Variants in SACS observed in about 807,000 individuals in gnomAD.
SACS encodes sacsin.
In SACS, 197 loss-of-function variants were observed where a neutral mutation model predicts 348.0. The ratio of observed to expected loss-of-function variants is 0.57; its 90% CI spans 0.50 to 0.64. The LOEUF (loss-of-function observed/expected upper bound fraction) is 0.64, where lower values mean the gene tolerates loss of function less well. Ranked by LOEUF, SACS falls within the 30% of genes least tolerant of loss-of-function variation. The pLI is 0.00. For synonymous variants in SACS, 1,985 were observed against 1,910.6 expected (o/e 1.04, Z -1.02); for missense variants, 4,999 against 5,360.8 (o/e 0.93, Z 2.11).
At chr13:23,359,576 A>G (rs993719049) in intron 6 of SACS, among the ~76,000 whole-genome samples, 4 of 152,218 alleles carry the variant, frequency 2.6e-5, no homozygotes, top group African/African-American at 9.6e-5. Flanking sequence ...TAATATTTAT[A>G]AAATATTTCT....
chr13:23,412,794 G>A (rs900631675), intron 1 of SACS, among the ~76,000 whole-genome samples: 3 of 152,128 alleles, frequency 2.0e-5, no homozygotes, highest in Non-Finnish European at 2.9e-5. Flanking sequence ...AAGGGTAAAT[G>A]TGTTATCAGA....
At chr13:23,382,788 TG>T (rs200293279) in intron 2 of SACS, among the ~76,000 whole-genome samples, 4,359 of 145,166 alleles carry the variant, frequency 0.03, 206 homozygotes, top group African/African-American at 0.083. Flanking sequence ...GTGTGGTTTT[TG>T]TTTTTTTTTT....
chr13:23,363,837 C>T (rs1463244133), intron 6 of SACS, among the ~76,000 whole-genome samples: 1 of 152,170 alleles, frequency 6.6e-6, no homozygotes, highest in East Asian at 1.9e-4. Flanking sequence ...ACAGCTGCCA[C>T]TGAGTGTAAC....
chr13:23,433,389 C>T (rs1012636634), intron 1 of SACS, among the ~76,000 whole-genome samples: 2 of 152,208 alleles, frequency 1.3e-5, no homozygotes, highest in Non-Finnish European at 2.9e-5. Flanking sequence ...GAGCTCATTA[C>T]TCACAGCTGT....
At chr13:23,420,788 ATCCACCTGGGGAGTGGTG>A (rs1293679473) in intron 1 of SACS, among the ~76,000 whole-genome samples, 1 of 151,954 alleles carries the variant, frequency 6.6e-6, no homozygotes, top group African/African-American at 2.4e-5. Context: ...GAGCCCAGGT[ATCCACCTGGGGAGTGGTG>A]TCCACCCAAG....
intron 1 of SACS, among the ~76,000 whole-genome samples, chr13:23,418,660 C>A (rs1211868772): frequency 6.6e-6 from 1 of 152,112 alleles, no homozygotes; most frequent in Non-Finnish European, 1.5e-5. Flanking sequence ...CACCTGCCAC[C>A]AAGCCCAGCT....
Position 23,337,986 on chromosome 13 carries a change from A to G in SACS, c.5890T>C (p.Tyr1964His). Residue 1964 changes from tyrosine to histidine, a missense_variant, in exon 10 of 10, where the codon TAT becomes CAT. Tyr to His is a moderately conservative substitution (Grantham distance 83, BLOSUM62 2). Transcript: ENST00000382292. ...CCTTTTCCATGAGCTATATCTTCAT[A>G]AAATCCTTGGCAAATTACAGAAAAA... ...DDFSVICQGF[Y>H]EDIAHGKGKE... 6.2e-7 allele frequency: 1 copy of G among 1,613,994 alleles called. No individual in the cohort carries two copies. The highest frequency in any genetic ancestry group is 8.5e-7 in the Non-Finnish European group (1 of 1,179,930).
At chr13:23,393,546 T>C (rs920637706) in intron 2 of SACS, among the ~76,000 whole-genome samples, 6 of 152,126 alleles carry the variant, frequency 3.9e-5, no homozygotes, top group African/African-American at 1.4e-4. Context: ...CCCACTGTTC[T>C]GCCTACTCTC....
rs1868623008 is a variant in SACS, at chr13:23,336,579, A to G, written c.7297T>C (p.Trp2433Arg). The G allele has an allele frequency of 1.2e-6, 2 of 1,613,668 alleles. No individual in the cohort carries two copies. The highest frequency in any genetic ancestry group is 1.7e-5 in the Admixed American group (1 of 59,962). The change falls in exon 10 of 10, where the codon TGG (tryptophan) becomes CGG (arginine). Residue 2433 changes from tryptophan to arginine, a missense_variant. Coordinates refer to ENST00000382292, the MANE Select transcript of SACS (RefSeq NM_014363.6). ...LCRRIISEGI[W>R]SLIREKKQEF... ...TGTTTCTTTTCTCTAATGAGACTCCATATTCCTTCACTGATTATTCGTCGG... is the reference window on the plus strand; with the variant it reads ...TGTTTCTTTTCTCTAATGAGACTCCGTATTCCTTCACTGATTATTCGTCGG...
chr13:23,384,718 C>T (rs1872202052), intron 2 of SACS, among the ~76,000 whole-genome samples: 1 of 151,918 alleles, frequency 6.6e-6, no homozygotes, highest in Admixed American at 6.6e-5. Context: ...CTGTGGAGGA[C>T]CAGAGAATGA....
chr13:23,340,529 C>A lies in SACS; in HGVS notation c.3347G>T (p.Gly1116Val), dbSNP rs997702481. 4 of 1,612,130 alleles carry A rather than the reference C, an allele frequency of 2.5e-6. No individual in the cohort carries two copies. Among genetic ancestry groups the A allele is most frequent in the African/African-American group, 1.3e-5 (1 of 74,758 alleles). ...AAGAACATCTTGATCAGGACAAGCACCGACCTGTAAGGCTTCAATTTTTTT... is the reference window on the plus strand; with the variant it reads ...AAGAACATCTTGATCAGGACAAGCAACGACCTGTAAGGCTTCAATTTTTTT... ...VAKKIEALQV[G>V]ACPDQDVLLK... The change falls in exon 10 of 10, where the codon GGT (glycine) becomes GTT (valine). Residue 1116 changes from glycine (G) to valine (V), a missense_variant. Transcript: ENST00000382292.
intron 9 of SACS, among the ~76,000 whole-genome samples, chr13:23,349,912 G>C (rs1174202915): frequency 6.6e-6 from 1 of 152,196 alleles, no homozygotes; most frequent in Admixed American, 6.5e-5. Context: ...CTAGGGTGGT[G>C]ACTGAAGATA....
At chr13:23,387,304 C>A (rs1450313994) in intron 2 of SACS, among the ~76,000 whole-genome samples, 2 of 151,242 alleles carry the variant, frequency 1.3e-5, no homozygotes, top group East Asian at 1.9e-4. Flanking sequence ...CTAAAAAACA[C>A]AAAAAAAATT....
At chr13:23,404,187 G>A (rs1349072374) in intron 2 of SACS, among the ~76,000 whole-genome samples, 2 of 152,116 alleles carry the variant, frequency 1.3e-5, no homozygotes, top group Non-Finnish European at 2.9e-5. Flanking sequence ...TTTTAAGTGC[G>A]ATGTAGTGCT....
intron 2 of SACS, among the ~76,000 whole-genome samples, chr13:23,398,375 A>C (rs1872797089): frequency 6.6e-6 from 1 of 150,776 alleles, no homozygotes; most frequent in Admixed American, 6.6e-5. Flanking sequence ...TCTACTAAAA[A>C]TATAAAAAAT....
Position 23,365,261 on chromosome 13 carries a change from G to T in SACS, c.362C>A (p.Ala121Glu). 1 of 1,605,220 alleles carries T rather than the reference G, an allele frequency of 6.2e-7. No homozygotes were observed. Among genetic ancestry groups the T allele is most frequent in the Non-Finnish European group, 8.5e-7 (1 of 1,175,160 alleles). Reference protein sequence around the residue: ...GQILKELIQNAEDAGATEVKF... With the variant: ...GQILKELIQNEEDAGATEVKF... ...AACTTCTGTCGCCCCAGCATCTTCT[G>T]CATTCTGAATTAATTCCTAACCAAA... The change falls in exon 6 of 10, where the codon GCA (alanine) becomes GAA (glutamate). Residue 121 changes from alanine (A) to glutamate (E), a missense_variant. By Grantham distance (107) the Ala-to-Glu change is moderately radical. Around this residue, in one of 6 missense-constraint regions of SACS, gnomAD observed 3,156 missense variants for 3,380.1 expected, o/e 0.93. Coordinates refer to ENST00000382292, the MANE Select transcript of SACS (RefSeq NM_014363.6).
At position 23,341,172 on chromosome 13, in the gene SACS, C is replaced by T. The variant is rs1387249809; in HGVS notation, c.2704G>A (p.Ala902Thr). Reference sequence around the variant, plus strand: ...AAACTAGCCAAGAACTTCCTCAGGGCATCTTTGTGTGTTGGAAGTAGCGAA... The same window carrying T: ...AAACTAGCCAAGAACTTCCTCAGGGTATCTTTGTGTGTTGGAAGTAGCGAA... Reference protein sequence around the residue: ...ITSLLPTHKDALRKFLASLTD... With the variant: ...ITSLLPTHKDTLRKFLASLTD... The change falls in exon 10 of 10, where the codon GCC becomes ACC. Residue 902 changes from alanine (A) to threonine (T), a missense_variant. Ala to Thr is a moderately conservative substitution (Grantham distance 58, BLOSUM62 0). Around this residue, in one of 6 missense-constraint regions of SACS, gnomAD observed 3,156 missense variants for 3,380.1 expected, o/e 0.93. Transcript: ENST00000382292. The T allele has an allele frequency of 6.8e-6, 11 of 1,613,316 alleles. No individual in the cohort carries two copies. Among genetic ancestry groups the T allele is most frequent in the African/African-American group, 1.3e-5 (1 of 74,932 alleles).
chr13:23,336,595 T>G lies in SACS; in HGVS notation c.7281A>C (p.Ile2427=), dbSNP rs772383957. 2 of 1,613,784 alleles carry G rather than the reference T, an allele frequency of 1.2e-6. No individual in the cohort carries two copies. Among genetic ancestry groups the G allele is most frequent in the East Asian group, 4.5e-5 (2 of 44,874 alleles). Residue 2427 remains isoleucine, a synonymous_variant, in exon 10 of 10, where the codon ATA becomes ATC. Transcript: ENST00000382292. ...TEENFQLCRR[I]ISEGIWSLIR... is the part of the protein sequence containing the mutation. The stretch of plus-strand genomic sequence containing the variant: ...TGAGACTCCATATTCCTTCACTGAT[T>G]ATTCGTCGGCAAAGCTGAAAATTCT...
chr13:23,341,887 C>T (rs893979629), intron 9 of SACS, among the ~76,000 whole-genome samples, 197 bp from the exon 10 acceptor site: 6 of 148,992 alleles, frequency 4.0e-5, no homozygotes, highest in East Asian at 4.0e-4. Context: ...CCCGGGTTCA[C>T]GCCATTCTCC....
Sources: gnomAD v4.1 joint callset for allele counts (sites outside exome capture counted in the v4.1 genomes callset) on GRCh38, gnomAD v4.1.1 for gene constraint, gnomAD v4.1.1 regional missense constraint, MANE v1.5 for transcripts, NCBI Gene and HGNC (gene_info 2026-07-23, HGNC 2026-07-21) for gene names.